GHR: variants seen among roughly 807,000 people sequenced by gnomAD.
GHR encodes growth hormone receptor.
GHR carries 35 observed loss-of-function variants against 67.1 expected under a neutral mutation model. The observed-to-expected ratio is 0.52, with a 90% CI of 0.40 to 0.69. GHR has a LOEUF of 0.69. Ranked by LOEUF, GHR falls within the 30% of genes least tolerant of loss-of-function variation. GHR has a pLI of 0.00. For synonymous variants in GHR, 272 were observed against 269.1 expected (o/e 1.01, Z -0.10); for missense variants, 792 against 764.6 (o/e 1.04, Z -0.42).
chr5:42,502,436 C>CT (rs1746577489), intron 1 of GHR, among the ~76,000 whole-genome samples: 1 of 152,140 alleles, frequency 6.6e-6, no homozygotes, highest in Non-Finnish European at 1.5e-5. Context: ...TTTGTTTGCT[C>CT]TTTATAACAC....
At chr5:42,659,713 G>A (rs1012012364) in intron 3 of GHR, among the ~76,000 whole-genome samples, 46 of 152,180 alleles carry the variant, frequency 3.0e-4, no homozygotes, top group African/African-American at 1.1e-3. Context: ...ATTTCCATCT[G>A]AGCTACTGCA....
At chr5:42,467,425 T>A (rs1281075449) in intron 1 of GHR, 1 of 947,118 alleles carries the variant, frequency 1.1e-6, no homozygotes, top group African/African-American at 1.6e-5. Context: ...GACAATATGG[T>A]TTGAGCTCCC....
At chr5:42,484,399 T>A (rs1745790119) in intron 1 of GHR, among the ~76,000 whole-genome samples, 1 of 152,218 alleles carries the variant, frequency 6.6e-6, no homozygotes, top group Admixed American at 6.5e-5. Flanking sequence ...TTTCCAGACA[T>A]TGTAAAGAGT....
intron 3 of GHR, among the ~76,000 whole-genome samples, chr5:42,655,516 G>A (rs765900348): frequency 1.3e-4 from 20 of 152,142 alleles, no homozygotes; most frequent in Non-Finnish European, 2.8e-4. Flanking sequence ...ATTCATTCAT[G>A]TATGACGGGG....
In GHR at chr5:42,537,762, G is replaced by T. The variant is rs10072992; in HGVS notation, c.-11-28102G>T. Reference sequence around the variant, plus strand: ...CTAGTGCTGTCAGTGGAATATTGAAGTCCCCACTATTATTGTGTTGCTGTT... The same window carrying T: ...CTAGTGCTGTCAGTGGAATATTGAATTCCCCACTATTATTGTGTTGCTGTT... On this transcript the variant is annotated intron_variant, in intron 1 of 9. Coordinates refer to ENST00000230882, the MANE Select transcript of GHR (RefSeq NM_000163.5). Among the ~76,000 whole-genome samples, 293 of 151,956 alleles carry T rather than the reference G, an allele frequency of 1.9e-3. 1 individual carries two copies. Among genetic ancestry groups the T allele is most frequent in the African/African-American group, 6.8e-3 (282 of 41,414 alleles).
chr5:42,520,273 G>C (rs1747417240), intron 1 of GHR, among the ~76,000 whole-genome samples: 2 of 152,072 alleles, frequency 1.3e-5, no homozygotes, highest in Non-Finnish European at 2.9e-5. Context: ...ATTATACAAG[G>C]GGAACTATAA....
intron 3 of GHR, among the ~76,000 whole-genome samples, chr5:42,688,244 C>T (rs907430588): frequency 6.6e-5 from 10 of 152,216 alleles, no homozygotes; most frequent in African/African-American, 2.2e-4. Flanking sequence ...CTATGGTGTC[C>T]ATTTGCCACT....
At chr5:42,692,791 TC>T (rs2111687003) in intron 4 of GHR, among the ~76,000 whole-genome samples, 1 of 152,322 alleles carries the variant, frequency 6.6e-6, no homozygotes, top group Non-Finnish European at 1.5e-5. Context: ...TAAGCACTAA[TC>T]TACATCTTTG....
chr5:42,701,681 T>C (rs1340082529), intron 6 of GHR, among the ~76,000 whole-genome samples: 6 of 152,218 alleles, frequency 3.9e-5, no homozygotes, highest in Non-Finnish European at 8.8e-5. Flanking sequence ...TCATTTTGCC[T>C]TTTTCGAAAA....
At chr5:42,638,631 G>A (rs1459243507) in intron 3 of GHR, among the ~76,000 whole-genome samples, 8 of 152,160 alleles carry the variant, frequency 5.3e-5, no homozygotes, top group Non-Finnish European at 7.3e-5. Flanking sequence ...TAAACATATA[G>A]TATTGTAATC....
intron 2 of GHR, among the ~76,000 whole-genome samples, chr5:42,625,441 A>G (rs888407570): frequency 2.6e-5 from 4 of 152,162 alleles, no homozygotes; most frequent in Admixed American, 6.5e-5. Flanking sequence ...AAAAGAGTCA[A>G]ACTCTCTAAA....
intron 1 of GHR, among the ~76,000 whole-genome samples, chr5:42,493,137 C>A (rs570966616): frequency 6.6e-6 from 1 of 152,084 alleles, no homozygotes; most frequent in Non-Finnish European, 1.5e-5. Flanking sequence ...GTGATTGGGG[C>A]GTTTTCTGGT....
At chr5:42,627,954 G>T (rs924675391) in intron 2 of GHR, among the ~76,000 whole-genome samples, 2 of 152,214 alleles carry the variant, frequency 1.3e-5, no homozygotes, top group Non-Finnish European at 2.9e-5. Flanking sequence ...GAGTAGTGGA[G>T]GTGGCTCTCA....
At chr5:42,484,689 G>A (rs770449755) in intron 1 of GHR, among the ~76,000 whole-genome samples, 12 of 152,154 alleles carry the variant, frequency 7.9e-5, no homozygotes, top group East Asian at 7.7e-4. Context: ...GGTGCTTAGC[G>A]GGGCTCTTTG....
At chr5:42,478,101 T>C (rs1248926772) in intron 1 of GHR, among the ~76,000 whole-genome samples, 1 of 152,226 alleles carries the variant, frequency 6.6e-6, no homozygotes, top group Non-Finnish European at 1.5e-5. Flanking sequence ...TTTCCACATA[T>C]GGCTAGCCAG....
chr5:42,672,093 T>C (rs984963600), intron 3 of GHR, among the ~76,000 whole-genome samples: 1 of 152,022 alleles, frequency 6.6e-6, no homozygotes, highest in Non-Finnish European at 1.5e-5. Flanking sequence ...AAGAAAAGGA[T>C]GCCTTTTCTC....
chr5:42,609,753 A>G (rs1381313255), intron 2 of GHR, among the ~76,000 whole-genome samples: 1 of 152,204 alleles, frequency 6.6e-6, no homozygotes, highest in Non-Finnish European at 1.5e-5. Flanking sequence ...AACTGGGTCA[A>G]TTTTTGCTTT....
chr5:42,479,079 G>A (rs1745484325), intron 1 of GHR, among the ~76,000 whole-genome samples: 1 of 152,182 alleles, frequency 6.6e-6, no homozygotes, highest in Non-Finnish European at 1.5e-5. Context: ...AATTTACTGA[G>A]AGTTTTTAGC....
intron 1 of GHR, among the ~76,000 whole-genome samples, chr5:42,431,997 T>C (rs1001020922): frequency 3.9e-5 from 6 of 152,166 alleles, no homozygotes; most frequent in African/African-American, 1.2e-4. Flanking sequence ...CACATCAAGA[T>C]TTTGCAATCT....
Sources: gnomAD v4.1 joint callset for allele counts (sites outside exome capture counted in the v4.1 genomes callset) on GRCh38, gnomAD v4.1.1 for gene constraint, MANE v1.5 for transcripts, NCBI Gene and HGNC (gene_info 2026-07-23, HGNC 2026-07-21) for gene names.